RNF149: variants seen among roughly 807,000 people sequenced by gnomAD.
RNF149 encodes the protein E3 ubiquitin-protein ligase RNF149.
A neutral mutation model predicts 39.0 loss-of-function variants in RNF149; 21 were observed. The ratio of observed to expected loss-of-function variants is 0.54; its 90% CI spans 0.38 to 0.77. RNF149 has a LOEUF of 0.77. RNF149 is among the 30% of genes least tolerant of loss of function. The pLI, the probability that RNF149 is intolerant of heterozygous loss-of-function variation, is 0.00. For synonymous variants in RNF149, 209 were observed against 213.6 expected (o/e 0.98, Z 0.19); for missense variants, 493 against 534.9 (o/e 0.92, Z 0.77).
chr2:101,282,905 C>T (rs112153483), intron 5 of RNF149, among the ~76,000 whole-genome samples: 15 of 152,200 alleles, frequency 9.9e-5, no homozygotes, highest in Middle Eastern at 3.4e-3. Flanking sequence ...TCACCAGTAA[C>T]GTAACGCCCT....
At chr2:101,306,775 AACTG>A (rs1381180123) in intron 1 of RNF149, among the ~76,000 whole-genome samples, 1 of 152,188 alleles carries the variant, frequency 6.6e-6, no homozygotes, top group Non-Finnish European at 1.5e-5. Flanking sequence ...ACAGTCTCTC[AACTG>A]ACTACCTTTC....
intron 1 of RNF149, 137 bp downstream of exon 1, chr2:101,307,992 C>CT: frequency 6.9e-7 from 1 of 1,441,646 alleles, no homozygotes; most frequent in Non-Finnish European, 9.1e-7. Context: ...GAGGGCTTCC[C>CT]TGAAAGTTCC....
intron 1 of RNF149, among the ~76,000 whole-genome samples, chr2:101,296,235 C>T (rs2104420538): frequency 6.6e-6 from 1 of 152,156 alleles, no homozygotes; most frequent in Middle Eastern, 3.4e-3. Flanking sequence ...ACTATGATCA[C>T]TATTATTTAG....
chr2:101,271,848 A>C (rs1682141069), downstream of RNF149: 1 of 152,184 alleles, frequency 6.6e-6, no homozygotes, highest in African/African-American at 2.4e-5. Flanking sequence ...AGAAATAATT[A>C]AGTTTATTTT....
chr2:101,279,721 A>G (rs1366007632), intron 6 of RNF149, among the ~76,000 whole-genome samples: 2 of 152,190 alleles, frequency 1.3e-5, no homozygotes, highest in Non-Finnish European at 2.9e-5. Context: ...TTGTTCCACA[A>G]TGCAGTCTTT....
In RNF149 at chr2:101,281,866, T is replaced by C. The variant is rs200589518; in HGVS notation, c.1152A>G (p.Ala384=). ...SFKGDAGENT[A]LLEAGRSDSR... is the part of the protein sequence containing the mutation. ...AATTTGCACACCGCTCACCTAGCAA[T>C]GCCGTATTTTCTCCTGCATCTCCTT... The change falls in exon 6 of 7, where the codon GCA becomes GCG. Residue 384 remains alanine, a synonymous_variant. Transcript: ENST00000295317. The C allele has an allele frequency of 8.7e-6, 14 of 1,613,942 alleles. No individual in the cohort carries two copies. Among genetic ancestry groups the C allele is most frequent in the Non-Finnish European group, 1.2e-5 (14 of 1,180,028 alleles).
At chr2:101,297,484 G>A (rs1271520959) in intron 1 of RNF149, among the ~76,000 whole-genome samples, 2 of 152,006 alleles carry the variant, frequency 1.3e-5, no homozygotes, top group East Asian at 3.9e-4. Flanking sequence ...AGCTTCCTGA[G>A]CAGCTGGGAC....
At chr2:101,287,684 A>G (rs1682847610) in intron 4 of RNF149, among the ~76,000 whole-genome samples, 1 of 152,240 alleles carries the variant, frequency 6.6e-6, no homozygotes, top group Admixed American at 6.5e-5. Flanking sequence ...TTCATTCAGT[A>G]CCCATCATAC....
chr2:101,295,675 A>C (rs1386091273), intron 1 of RNF149, among the ~76,000 whole-genome samples: 1 of 151,754 alleles, frequency 6.6e-6, no homozygotes, highest in Non-Finnish European at 1.5e-5. Context: ...AAAAAAAAAA[A>C]AGAACTATTC....
rs920789866 is a variant in RNF149, at chr2:101,302,798, C to T, written c.460+5331G>A. 5.3e-5 allele frequency among the ~76,000 whole-genome samples: 8 copies of T among 151,976 alleles called. No homozygotes were observed. The South Asian group carries it at 1.7e-3, about 32-fold the overall frequency. ...AATTCAGAAGCAGCCGGGCAACACA[C>T]GGAGACCCCATCTCTACAAAACATT... On this transcript the variant is annotated intron_variant, in intron 1 of 6. Transcript: ENST00000295317.
At chr2:101,287,139 T>C (rs1372404538) in intron 4 of RNF149, among the ~76,000 whole-genome samples, 2 of 151,650 alleles carry the variant, frequency 1.3e-5, no homozygotes, top group African/African-American at 4.9e-5. Context: ...CTAGCCAACA[T>C]GGTGAAACCC....
intron 1 of RNF149, 80 bp downstream of exon 1, chr2:101,308,049 C>A: frequency 1.3e-6 from 2 of 1,505,314 alleles, no homozygotes; most frequent in South Asian, 1.3e-5. Context: ...TCGCGGCCTG[C>A]GGTTCAGGGC....
chr2:101,299,951 C>T (rs1683390074), intron 1 of RNF149, among the ~76,000 whole-genome samples: 1 of 152,192 alleles, frequency 6.6e-6, no homozygotes, highest in African/African-American at 2.4e-5. Context: ...GCCAGACAGA[C>T]CTGGGTGCAA....
intron 1 of RNF149, among the ~76,000 whole-genome samples, chr2:101,299,112 C>T (rs865979665): frequency 4.6e-5 from 7 of 152,266 alleles, no homozygotes; most frequent in Admixed American, 6.5e-5. Context: ...GCCAAAATCG[C>T]GCCACTGCAC....
chr2:101,280,055 G>A (rs150126905), intron 6 of RNF149, among the ~76,000 whole-genome samples: 1,702 of 152,132 alleles, frequency 0.011, 34 homozygotes, highest in African/African-American at 0.04. Flanking sequence ...CACTTTGGGA[G>A]TCCCAGGAGG....
At chr2:101,302,756 G>C (rs1683502879) in intron 1 of RNF149, among the ~76,000 whole-genome samples, 1 of 152,090 alleles carries the variant, frequency 6.6e-6, no homozygotes, top group South Asian at 2.1e-4. Context: ...GGGGCAGAAG[G>C]ACAGCTTGAG....
At chr2:101,282,239 C>T (rs542344327) in intron 5 of RNF149, among the ~76,000 whole-genome samples, 182 bp from the exon 6 acceptor site, 1 of 151,728 alleles carries the variant, frequency 6.6e-6, no homozygotes, top group East Asian at 1.9e-4. Flanking sequence ...TCTCGACAAC[C>T]AATCTCCTAA....
At position 101,288,363 on chromosome 2, in the gene RNF149, G is replaced by C. The variant is rs769870315; in HGVS notation, c.863+610C>G. On this transcript the variant is annotated intron_variant, in intron 4 of 6. Transcript: ENST00000295317. ...AGTAATTCTCCTGCCCCAGCTACCT[G>C]AGTAGCTGGGATTACAGGTGTACGC... 3.3e-5 allele frequency among the ~76,000 whole-genome samples: 5 copies of C among 149,614 alleles called. No homozygotes were observed. The Admixed American group carries it at 3.4e-4, about 10-fold the overall frequency.
intron 5 of RNF149, among the ~76,000 whole-genome samples, chr2:101,285,050 A>G (rs563894763): frequency 1.4e-4 from 21 of 152,136 alleles, no homozygotes; most frequent in Admixed American, 1.4e-3. Flanking sequence ...GCGTGCCATC[A>G]TATCCGGCTA....
Sources: gnomAD v4.1 joint callset for allele counts (sites outside exome capture counted in the v4.1 genomes callset) on GRCh38, gnomAD v4.1.1 for gene constraint, MANE v1.5 for transcripts, NCBI Gene and HGNC (gene_info 2026-07-23, HGNC 2026-07-21) for gene names.